Variants in SPG11 observed in about 807,000 individuals in gnomAD.
SPG11 encodes the protein spatacsin.
Under a neutral mutation model 274.0 loss-of-function variants are expected in SPG11, and 222 were observed. The ratio of observed to expected loss-of-function variants is 0.81; its 90% confidence interval spans 0.73 to 0.91. The LOEUF is 0.91. Ranked by LOEUF, SPG11 falls within the 40% of genes least tolerant of loss-of-function variation. The probability of loss-of-function intolerance (pLI) is 0.00; values close to 1 mark genes in which losing one functional copy is unlikely to be tolerated. For missense variants in SPG11, 3,114 were observed against 2,872.7 expected, an observed-to-expected ratio of 1.08 and a Z score of -1.92; for synonymous variants, 1,144 against 1,039.7, an observed-to-expected ratio of 1.10 and a Z score of -1.93.
chr15:44,634,108 G>C (rs1265364718), intron 7 of SPG11, among the ~76,000 whole-genome samples: 1 of 152,046 alleles, frequency 6.6e-6, no homozygotes, highest in Non-Finnish European at 1.5e-5. Flanking sequence ...CAAAGTGCTG[G>C]GATTACAGGT....
At chr15:44,564,725 C>A in intron 38 of SPG11, 27 bp from the exon 39 acceptor site, 2 of 1,613,288 alleles carry the variant, frequency 1.2e-6, no homozygotes, top group Non-Finnish European at 1.7e-6. Context: ...AAGAAGGACA[C>A]CATCAGAGCC....
In SPG11 at chr15:44,626,492, C is replaced by T. The variant is rs78183930; in HGVS notation, c.2083G>A (p.Ala695Thr). 21,340 of 1,613,566 alleles carry T rather than the reference C, an allele frequency of 0.013. 214 individuals carry two copies. The highest frequency in any genetic ancestry group is 0.014 in the Non-Finnish European group (16,797 of 1,179,828). Residue 695 changes from alanine to threonine, a missense_variant, in exon 11 of 40, where the codon GCC becomes ACC. Ala to Thr is a moderately conservative substitution (Grantham distance 58). Coordinates refer to ENST00000261866, the MANE Select transcript of SPG11 (RefSeq NM_025137.4). ...KLSFEEVIAS[A>T]ILNNKIPEAQ... ...TCTGGTATTTTGTTGTTTAAAATGG[C>T]GCTGGCAATAACTTCCTAGGAAAAG...
chr15:44,663,118 G>C (rs939945696), intron 1 of SPG11, among the ~76,000 whole-genome samples: 4 of 152,258 alleles, frequency 2.6e-5, no homozygotes, highest in Non-Finnish European at 5.9e-5. Flanking sequence ...CCCGTTCCGG[G>C]TTCGCCGCAG....
rs767184478 is a variant in SPG11, at chr15:44,648,847, G to A, written c.1602+19C>T. The A allele has an allele frequency of 2.5e-6, 4 of 1,611,780 alleles. No individual in the cohort carries two copies. Among genetic ancestry groups the A allele is most frequent in the Non-Finnish European group, 3.4e-6 (4 of 1,178,030 alleles). On this transcript the variant is annotated intron_variant, in intron 7 of 39. Transcript: ENST00000261866. ...CACAAAATAATTAAGTAATGTTCTT[G>A]GGCATTTAATTCTGTTACCTCTAGT...
At chr15:44,569,037 G>C (rs2082362504) in intron 35 of SPG11, among the ~76,000 whole-genome samples, 1 of 151,856 alleles carries the variant, frequency 6.6e-6, no homozygotes, top group Non-Finnish European at 1.5e-5. Context: ...GGGCGTGGTG[G>C]TGCATGCCTG....
chr15:44,611,596 T>C lies in SPG11; in HGVS notation c.3146-611A>G, dbSNP rs532619365. 8.2e-4 allele frequency among the ~76,000 whole-genome samples: 125 copies of C among 152,228 alleles called. 2 individuals are homozygous for C. In the South Asian group the frequency reaches 0.013, roughly 16 times the overall value. On this transcript the variant is annotated intron_variant, in intron 17 of 39. Transcript: ENST00000261866. ...GCAAGAACCTTAAACATGTGTAACC[T>C]TTGACCCAATAGTTTTATATCCCAA...
intron 18 of SPG11, 104 bp from the exon 19 acceptor site, chr15:44,608,709 T>A: frequency 9.1e-7 from 1 of 1,099,782 alleles, no homozygotes; most frequent in Non-Finnish European, 1.3e-6. Context: ...TTGAGAAGAG[T>A]ATGTGGTAGT....
At chr15:44,601,955 C>T (rs1407380366) in intron 20 of SPG11, among the ~76,000 whole-genome samples, 4 of 152,032 alleles carry the variant, frequency 2.6e-5, no homozygotes, top group Non-Finnish European at 2.9e-5. Flanking sequence ...AAATTTATTC[C>T]GAAGTATTTT....
intron 19 of SPG11, among the ~76,000 whole-genome samples, chr15:44,607,497 T>C (rs2083351756): frequency 6.6e-6 from 1 of 152,100 alleles, no homozygotes; most frequent in South Asian, 2.1e-4. Flanking sequence ...GGCTAGGTCT[T>C]GAACTCAGTG....
chr15:44,564,972 C>G (rs78142819), intron 38 of SPG11, among the ~76,000 whole-genome samples: 2 of 152,004 alleles, frequency 1.3e-5, no homozygotes, highest in Non-Finnish European at 2.9e-5. Context: ...TTCCTGGGCT[C>G]AAGATCCTCC....
At chr15:44,614,468 C>T (rs2083541500) in intron 16 of SPG11, among the ~76,000 whole-genome samples, 1 of 152,202 alleles carries the variant, frequency 6.6e-6, no homozygotes, top group African/African-American at 2.4e-5. Context: ...AAGTGATTCT[C>T]CTGCCTTGGC....
intron 19 of SPG11, among the ~76,000 whole-genome samples, chr15:44,607,697 G>C (rs1486209429): frequency 1.3e-5 from 2 of 152,222 alleles, no homozygotes; most frequent in African/African-American, 4.8e-5. Context: ...GAGGATCCCT[G>C]AATAGGCTTC....
intron 4 of SPG11, among the ~76,000 whole-genome samples, chr15:44,653,272 T>A (rs999069999): frequency 1.3e-5 from 2 of 151,874 alleles, no homozygotes; most frequent in Non-Finnish European, 2.9e-5. Context: ...GGGGAAGGAT[T>A]TTATCTCTTT....
chr15:44,601,385 C>CA (rs1639458472), intron 20 of SPG11, among the ~76,000 whole-genome samples: 1 of 151,752 alleles, frequency 6.6e-6, no homozygotes, highest in Non-Finnish European at 1.5e-5. Context: ...TTCAGCCTCC[C>CA]AAGTAGCTGG....
chr15:44,608,380 A>C lies in SPG11; in HGVS notation c.3453+64T>G, dbSNP rs918769096. ...AATGCCCTCCGGTTGAAAGATCTAGAGTGATTTCTGTTTTCCTGGCTGAAC... is the reference window on the plus strand; with the variant it reads ...AATGCCCTCCGGTTGAAAGATCTAGCGTGATTTCTGTTTTCCTGGCTGAAC... On this transcript the variant is annotated intron_variant, in intron 19 of 39. Transcript: ENST00000261866. 2.6e-6 allele frequency: 4 copies of C among 1,535,112 alleles called. No homozygotes were observed. In the African/African-American group the frequency reaches 5.5e-5, roughly 21 times the overall value.
chr15:44,628,757 T>C lies in SPG11; in HGVS notation c.1979A>G (p.Lys660Arg). Reference protein sequence around the residue: ...LRTFMIKFPWKLTDAIDEYDV... With the variant: ...LRTFMIKFPWRLTDAIDEYDV... The stretch of plus-strand genomic sequence containing the variant: ...ATATTCATCTATAGCATCTGTTAGC[T>C]TCCAAGGAAACTTTATCATGAAGGT... Residue 660 changes from lysine (K) to arginine (R), a missense_variant, in exon 10 of 40, where the codon AAG (lysine) becomes AGG (arginine). Physicochemically the swap from Lys to Arg is conservative, Grantham distance 26. Coordinates refer to ENST00000261866, the MANE Select transcript of SPG11 (RefSeq NM_025137.4). 6.2e-7 allele frequency: 1 copy of C among 1,613,760 alleles called. No homozygotes were observed. The highest frequency in any genetic ancestry group is 8.5e-7 in the Non-Finnish European group (1 of 1,179,870).
intron 24 of SPG11, among the ~76,000 whole-genome samples, 196 bp downstream of exon 24, chr15:44,596,588 C>A (rs963219024): frequency 7.3e-6 from 1 of 136,768 alleles, no homozygotes; most frequent in Non-Finnish European, 1.5e-5. Flanking sequence ...CTGATGCCAA[C>A]CCACTGAAAT....
chr15:44,576,977 C>G (rs2082552726), intron 30 of SPG11, among the ~76,000 whole-genome samples: 2 of 151,850 alleles, frequency 1.3e-5, no homozygotes, highest in Non-Finnish European at 2.9e-5. Context: ...CGGGTGTGCA[C>G]CACCACGCCC....
chr15:44,652,575 T>C (rs2084817078), intron 4 of SPG11, among the ~76,000 whole-genome samples: 2 of 152,152 alleles, frequency 1.3e-5, no homozygotes, highest in Admixed American at 6.5e-5. Flanking sequence ...GAGGTAAATA[T>C]AACCCCATCT....
Sources: gnomAD v4.1 joint callset for allele counts (sites outside exome capture counted in the v4.1 genomes callset) on GRCh38, gnomAD v4.1.1 for gene constraint, MANE v1.5 for transcripts, NCBI Gene and HGNC (gene_info 2026-07-23, HGNC 2026-07-21) for gene names.